TMEM67: variants seen among roughly 807,000 people sequenced by gnomAD.
TMEM67 encodes transmembrane protein 67.
TMEM67 carries 124 observed loss-of-function variants against 136.6 expected under a neutral mutation model. The ratio of observed to expected loss-of-function variants is 0.91; its 90% CI spans 0.78 to 1.05. The LOEUF is 1.05. TMEM67 is among the 50% of genes least tolerant of loss of function. The pLI, the probability that TMEM67 is intolerant of heterozygous loss-of-function variation, is 0.00. For synonymous variants in TMEM67, 364 were observed against 390.5 expected (o/e 0.93, Z 0.80); for missense variants, 1,107 against 1,178.4 (o/e 0.94, Z 0.89).
At chr8:93,802,819 A>T (rs148705277) in intron 21 of TMEM67, among the ~76,000 whole-genome samples, 2 of 151,792 alleles carry the variant, frequency 1.3e-5, no homozygotes, top group African/African-American at 4.8e-5. Context: ...AGATTCATTT[A>T]TCTATTCATC....
the TMEM67 span, among the ~76,000 whole-genome samples, chr8:93,825,834 G>A: frequency 6.6e-6 from 1 of 152,200 alleles, no homozygotes; most frequent in Non-Finnish European, 1.5e-5. Context: ...TCTCTTGGGG[G>A]AGGGACAGAC....
At chr8:93,813,608 G>C (rs1199550476) in intron 26 of TMEM67, among the ~76,000 whole-genome samples, 2 of 152,234 alleles carry the variant, frequency 1.3e-5, no homozygotes, top group Non-Finnish European at 2.9e-5. Context: ...CCAGACTTCT[G>C]GCTGTGTGAC....
At position 93,763,870 on chromosome 8, in the gene TMEM67, G is replaced by A; in HGVS notation, c.435G>A (p.Leu145=). Residue 145 remains leucine (L), a synonymous_variant, in exon 4 of 28, where the codon TTG becomes TTA. Transcript: ENST00000453321. ...AAAGAGACATTAATGGAACATTGTT[G>A]TCTCAAGCAACTTGTGAGCTCTGTG... ...LVERDINGTL[L]SQATCELCDG... The A allele has an allele frequency of 6.2e-7, 1 of 1,613,684 alleles. No homozygotes were observed. The highest frequency in any genetic ancestry group is 8.5e-7 in the Non-Finnish European group (1 of 1,179,700).
At chr8:93,782,181 T>C (rs1438370135) in intron 10 of TMEM67, among the ~76,000 whole-genome samples, 3 of 152,206 alleles carry the variant, frequency 2.0e-5, no homozygotes, top group Non-Finnish European at 4.4e-5. Flanking sequence ...CCCAAAGCGC[T>C]GGGATTGCAG....
chr8:93,782,373 C>A, intron 10 of TMEM67, 22 bp from the exon 11 acceptor site: 1 of 1,589,798 alleles, frequency 6.3e-7, no homozygotes, highest in Non-Finnish European at 8.6e-7. Context: ...TGAGATTTAT[C>A]TGTTGTATTA....
chr8:93,782,058 C>T (rs1813860425), intron 10 of TMEM67, among the ~76,000 whole-genome samples: 1 of 152,028 alleles, frequency 6.6e-6, no homozygotes, highest in South Asian at 2.1e-4. Flanking sequence ...GAACTACAGG[C>T]GACTGCCACC....
At chr8:93,755,936 A>G in intron 2 of TMEM67, 70 bp downstream of exon 2, 2 of 861,234 alleles carry the variant, frequency 2.3e-6, no homozygotes, top group Non-Finnish European at 3.7e-6. Flanking sequence ...ATTTTTCAAA[A>G]TATAATTTAA....
At chr8:93,794,241 T>C (rs1161373423) in intron 16 of TMEM67, among the ~76,000 whole-genome samples, 2 of 152,322 alleles carry the variant, frequency 1.3e-5, no homozygotes, top group Admixed American at 6.5e-5. Flanking sequence ...TTTCATGTTA[T>C]GATACGTGCT....
chr8:93,771,261 T>TA (rs36064473), intron 6 of TMEM67, among the ~76,000 whole-genome samples: 12 of 151,196 alleles, frequency 7.9e-5, no homozygotes, highest in South Asian at 2.1e-4. Context: ...TTTTTTTTTT[T>TA]AAAAAAAAGC....
intron 27 of TMEM67, among the ~76,000 whole-genome samples, chr8:93,815,837 A>G (rs929846320): frequency 9.9e-5 from 7 of 70,530 alleles, no homozygotes; most frequent in South Asian, 4.2e-4. Context: ...CAAAGCTTGC[A>G]GCTTTGACAC....
intron 13 of TMEM67, among the ~76,000 whole-genome samples, chr8:93,786,987 T>C (rs888881219): frequency 6.6e-6 from 1 of 152,226 alleles, no homozygotes; most frequent in Admixed American, 6.5e-5. Context: ...TCTCATAATC[T>C]TATAAACAGT....
chr8:93,767,863 C>CT lies in TMEM67; in HGVS notation c.651+2236dup, dbSNP rs200241819. Among the ~76,000 whole-genome samples the CT allele has an allele frequency of 7.0e-3, 766 of 109,878 alleles. 7 individuals are homozygous for CT. The highest frequency in any genetic ancestry group is 0.01 in the Non-Finnish European group (567 of 55,990). 72.1% of individuals were successfully genotyped at this position (109,878 alleles called of 152,430 possible). A position where few individuals can be genotyped will look rare whatever the true frequency, so the allele number is the denominator to read the frequency against. On this transcript the variant is annotated intron_variant, in intron 6 of 27. Transcript: ENST00000453321. ...CCCTGGAATCAGCCATTTCTTTTTT[C>CT]TTTTTTTTTTTTTTTTTTTGAGACG...
the TMEM67 span, among the ~76,000 whole-genome samples, chr8:93,829,055 T>G: frequency 1.3e-5 from 2 of 152,232 alleles, no homozygotes; most frequent in East Asian, 3.9e-4. Flanking sequence ...AAGTTAATAC[T>G]TACCTTTGCT....
chr8:93,755,824 T>G lies in TMEM67; in HGVS notation c.270T>G (p.Asn90Lys). 1 of 1,583,992 alleles carries G rather than the reference T, an allele frequency of 6.3e-7. No individual in the cohort carries two copies. Among genetic ancestry groups the G allele is most frequent in the Non-Finnish European group, 8.6e-7 (1 of 1,160,982 alleles). Residue 90 changes from asparagine (N) to lysine (K), a missense_variant, in exon 2 of 28, where the codon AAT becomes AAG. Around this residue, in one of 3 missense-constraint regions of TMEM67, gnomAD observed 178 missense variants for 159.2 expected, o/e 1.12. Coordinates refer to ENST00000453321, the MANE Select transcript of TMEM67 (RefSeq NM_153704.6). ...CAGGATTTCAGATGATCTCTAATAA[T>G]GGAGGACCTGCTATTATTTGTAAAA... is the stretch of plus-strand genomic sequence containing the variant. ...CLPGFQMISNNGGPAIICKKC... is the reference protein window; with the variant it reads ...CLPGFQMISNKGGPAIICKKC...
chr8:93,788,510 C>T (rs965023161), intron 14 of TMEM67, among the ~76,000 whole-genome samples: 12 of 152,042 alleles, frequency 7.9e-5, no homozygotes, highest in Non-Finnish European at 1.0e-4. Context: ...TGTAGTGAGC[C>T]GAGATCGCGC....
intron 2 of TMEM67, 194 bp downstream of exon 2, chr8:93,756,060 T>C (rs73694915): frequency 4.3e-6 from 2 of 469,590 alleles, no homozygotes; most frequent in Non-Finnish European, 7.5e-6. Context: ...CAGAAATGTA[T>C]TTCTTTTAAA....
At chr8:93,824,673 C>T in the TMEM67 span, among the ~76,000 whole-genome samples, 1 of 152,144 alleles carries the variant, frequency 6.6e-6, no homozygotes, top group African/African-American at 2.4e-5. Flanking sequence ...TGCATATGAT[C>T]ATAAGCAAAC....
At chr8:93,790,671 C>G (rs1365094144) in intron 14 of TMEM67, among the ~76,000 whole-genome samples, 3 of 152,198 alleles carry the variant, frequency 2.0e-5, no homozygotes, top group Admixed American at 1.3e-4. Context: ...TGAAAGTCAG[C>G]AATGATTTCC....
intron 23 of TMEM67, among the ~76,000 whole-genome samples, chr8:93,805,676 T>C (rs1439535459): frequency 2.6e-5 from 4 of 152,194 alleles, no homozygotes; most frequent in African/African-American, 9.7e-5. Context: ...CTGTAGTTTC[T>C]GTATGAACTG....
Sources: allele counts gnomAD v4.1 joint callset (sites outside exome capture counted in the v4.1 genomes callset), GRCh38; gene constraint gnomAD v4.1.1; regional missense constraint gnomAD v4.1.1; transcripts MANE v1.5; gene names NCBI Gene and HGNC (gene_info 2026-07-23, HGNC 2026-07-21).